Variants in DDX19A observed in about 807,000 individuals in gnomAD.
The protein encoded by DDX19A is DEAD-box helicase 19A.
A neutral mutation model predicts 60.6 loss-of-function variants in DDX19A; 12 were observed. That is an observed-to-expected ratio of 0.20 (90% CI 0.13 to 0.32). The LOEUF (loss-of-function observed/expected upper bound fraction) is 0.32, where lower values mean the gene tolerates loss of function less well. Among genes scored for constraint, DDX19A ranks in the 10% least tolerant of loss-of-function variants. The pLI, the probability that DDX19A is intolerant of heterozygous loss-of-function variation, is 1.00. For missense variants in DDX19A, 337 were observed against 600.6 expected (o/e 0.56, Z 4.59); for synonymous variants, 206 against 218.2 (o/e 0.94, Z 0.49).
intron 4 of DDX19A, among the ~76,000 whole-genome samples, chr16:70,358,808 T>G (rs978082646): frequency 2.5e-4 from 38 of 152,182 alleles, no homozygotes; most frequent in Non-Finnish European, 5.9e-5. Flanking sequence ...GATCATGCCG[T>G]TCGTTGCACT....
At chr16:70,347,275 C>T (rs1963862564) in intron 1 of DDX19A, 1 of 576,472 alleles carries the variant, frequency 1.7e-6, no homozygotes, top group Non-Finnish European at 3.1e-6. Flanking sequence ...TAAATCCGCC[C>T]CACTATGCAT....
intron 4 of DDX19A, among the ~76,000 whole-genome samples, chr16:70,356,491 G>A (rs560635654): frequency 1.5e-4 from 23 of 151,842 alleles, no homozygotes; most frequent in Non-Finnish European, 3.1e-4. Context: ...CAAGTAGCTG[G>A]GATTACAGGC....
Position 70,372,200 on chromosome 16 carries a change from C to A in DDX19A, c.*214C>A. On this transcript the variant is annotated 3_prime_UTR_variant, in exon 12 of 12. Coordinates refer to ENST00000302243, the MANE Select transcript of DDX19A (RefSeq NM_018332.5). The stretch of plus-strand genomic sequence containing the variant: ...AAATTTGCATTTTGGAAAATTGGGT[C>A]CTTTCCCCACTTTTTTAAAGCCACA... The A allele has an allele frequency of 1.5e-6, 1 of 683,172 alleles. No homozygotes were observed. The highest frequency in any genetic ancestry group is 2.5e-6 in the Non-Finnish European group (1 of 405,048). 42.3% of individuals were successfully genotyped at this position (683,172 alleles called of 1,614,324 possible).
At chr16:70,362,918 G>A (rs1426295395) in intron 5 of DDX19A, among the ~76,000 whole-genome samples, 1 of 151,392 alleles carries the variant, frequency 6.6e-6, no homozygotes, top group African/African-American at 2.4e-5. Flanking sequence ...GGAGGCTGAG[G>A]TGGGAGGATC....
intron 5 of DDX19A, 149 bp downstream of exon 5, chr16:70,361,659 G>T: frequency 1.7e-6 from 1 of 598,456 alleles, no homozygotes; most frequent in Non-Finnish European, 2.9e-6. Context: ...AGAATCGGAT[G>T]GAGTTAGCTA....
intron 7 of DDX19A, chr16:70,365,595 G>T: frequency 4.8e-6 from 1 of 207,646 alleles, no homozygotes; most frequent in Non-Finnish European, 9.8e-6. Flanking sequence ...AGACCAGCCT[G>T]GGCAACATAG....
chr16:70,357,355 GT>G (rs1382033723), intron 4 of DDX19A, among the ~76,000 whole-genome samples: 2 of 53,948 alleles, frequency 3.7e-5, no homozygotes, highest in Non-Finnish European at 7.8e-5. Context: ...TGTCAAATCT[GT>G]TTTTGGTTTG....
Position 70,355,531 on chromosome 16 carries a change from G to A in DDX19A, c.153G>A (p.Glu51=), listed in dbSNP as rs1158450873. ...STTAEKTDEE[E]KEDRAAQSLL... is the part of the protein sequence containing the mutation. ...CTGCCGAGAAAACAGATGAAGAGGA[G>A]AAAGGTAACTACTTTTGGATGCCCT... is the stretch of plus-strand genomic sequence containing the variant. The change falls in exon 3 of 12, where the codon GAG becomes GAA. Residue 51 remains glutamate, a synonymous_variant. Transcript: ENST00000302243. The A allele has an allele frequency of 6.2e-7, 1 of 1,613,752 alleles. No homozygotes were observed. The highest frequency in any genetic ancestry group is 2.2e-5 in the East Asian group (1 of 44,896).
At chr16:70,366,050 T>G in intron 7 of DDX19A, 35 bp from the exon 8 acceptor site, 2 of 1,613,950 alleles carry the variant, frequency 1.2e-6, no homozygotes, top group Non-Finnish European at 1.7e-6. Context: ...GCTTTGCCTT[T>G]GAAATACCTA....
In DDX19A at chr16:70,372,112, C is replaced by T. The variant is rs2047282242; in HGVS notation, c.*126C>T. On this transcript the variant is annotated 3_prime_UTR_variant, in exon 12 of 12. Coordinates refer to ENST00000302243, the MANE Select transcript of DDX19A (RefSeq NM_018332.5). ...AGAAGTAGAGAGAAACTACCTACCTCACTTCAAATTATGTTTGGACTTGAC... is the reference window on the plus strand; with the variant it reads ...AGAAGTAGAGAGAAACTACCTACCTTACTTCAAATTATGTTTGGACTTGAC... 4 of 1,436,094 alleles carry T rather than the reference C, an allele frequency of 2.8e-6. No homozygotes were observed. The highest frequency in any genetic ancestry group is 1.2e-5 in the South Asian group (1 of 82,936). The allele number at this position is 1,436,094 out of a possible 1,614,324, so 89.0% of individuals were successfully genotyped here.
At chr16:70,364,891 T>C in intron 6 of DDX19A, 126 bp from the exon 7 acceptor site, 1 of 760,320 alleles carries the variant, frequency 1.3e-6, no homozygotes, top group Non-Finnish European at 2.2e-6. Context: ...GGCTGAAAGG[T>C]GGGCCTGGAT....
At chr16:70,354,136 T>A (rs1189682790) in intron 2 of DDX19A, among the ~76,000 whole-genome samples, 1 of 151,902 alleles carries the variant, frequency 6.6e-6, no homozygotes, top group African/African-American at 2.4e-5. Context: ...CAATTAATAT[T>A]TCTGGGGTTT....
intron 9 of DDX19A, among the ~76,000 whole-genome samples, chr16:70,368,917 A>AG (rs1461361077): frequency 6.6e-6 from 1 of 152,034 alleles, no homozygotes; most frequent in East Asian, 1.9e-4. Flanking sequence ...CCCAGGCTGG[A>AG]GTGCAGTGGT....
chr16:70,364,724 G>A (rs1964465992), intron 6 of DDX19A, 79 bp downstream of exon 6: 6 of 1,092,686 alleles, frequency 5.5e-6, no homozygotes, highest in African/African-American at 3.1e-5. Context: ...GTAACGAGAG[G>A]TCTGAAGCTT....
intron 5 of DDX19A, 100 bp downstream of exon 5, chr16:70,361,610 A>G: frequency 3.5e-6 from 3 of 863,014 alleles, no homozygotes. Flanking sequence ...GTTTGGGGCC[A>G]CGTGTTTCCT....
At chr16:70,351,232 G>GT (rs1340471556) in intron 2 of DDX19A, among the ~76,000 whole-genome samples, 1 of 151,086 alleles carries the variant, frequency 6.6e-6, no homozygotes, top group African/African-American at 2.4e-5. Context: ...TTGAGACAGG[G>GT]TCTCACTCTG....
intron 2 of DDX19A, among the ~76,000 whole-genome samples, chr16:70,352,482 A>C (rs961431116): frequency 6.6e-6 from 1 of 151,638 alleles, no homozygotes; most frequent in African/African-American, 2.4e-5. Context: ...ACGGGGTTTC[A>C]CCATGTTGGC....
intron 7 of DDX19A, 193 bp downstream of exon 7, chr16:70,365,324 C>T (rs567340676): frequency 3.0e-5 from 12 of 399,980 alleles, no homozygotes; most frequent in Non-Finnish European, 4.5e-5. Context: ...ATAAGATTTT[C>T]GGTTGATTAA....
chr16:70,365,326 G>A, intron 7 of DDX19A, 195 bp downstream of exon 7: 1 of 405,956 alleles, frequency 2.5e-6, no homozygotes, highest in Non-Finnish European at 4.4e-6. Flanking sequence ...AAGATTTTCG[G>A]TTGATTAAAA....
Sources: gnomAD v4.1 joint callset for allele counts (sites outside exome capture counted in the v4.1 genomes callset) on GRCh38, gnomAD v4.1.1 for gene constraint, MANE v1.5 for transcripts, NCBI Gene and HGNC (gene_info 2026-07-23, HGNC 2026-07-21) for gene names.